XIRP2: variants seen among roughly 807,000 people sequenced by gnomAD.
XIRP2 encodes the protein xin actin binding repeat containing 2.
Under a neutral mutation model 277.0 loss-of-function variants are expected in XIRP2, and 236 were observed. The observed-to-expected ratio is 0.85, with a 90% CI of 0.77 to 0.95. The LOEUF (loss-of-function observed/expected upper bound fraction) is 0.95, where lower values mean the gene tolerates loss of function less well. Among genes scored for constraint, XIRP2 ranks in the 40% least tolerant of loss-of-function variants. The pLI, the probability that XIRP2 is intolerant of heterozygous loss-of-function variation, is 0.00. For missense variants in XIRP2, 4,640 were observed against 4,157.5 expected, an observed-to-expected ratio of 1.12 and a Z score of -3.19; for synonymous variants, 1,490 against 1,416.5, an observed-to-expected ratio of 1.05 and a Z score of -1.17.
chr2:166,946,920 A>G (rs1349194724), intron 2 of XIRP2, among the ~76,000 whole-genome samples: 1 of 152,118 alleles, frequency 6.6e-6, no homozygotes. Flanking sequence ...GGCAAATATC[A>G]TTTTCATTGC....
At chr2:166,943,886 T>A (rs1160199708) in intron 2 of XIRP2, among the ~76,000 whole-genome samples, 3 of 152,214 alleles carry the variant, frequency 2.0e-5, no homozygotes, top group African/African-American at 4.8e-5. Context: ...TCTTGTTCCA[T>A]AGTGGGTTTG....
At chr2:167,013,406 TTAAA>T (rs1408826596) in intron 2 of XIRP2, among the ~76,000 whole-genome samples, 1 of 151,430 alleles carries the variant, frequency 6.6e-6, no homozygotes, top group Non-Finnish European at 1.5e-5. Context: ...TGATGCGGTC[TTAAA>T]TAAACATAAG....
At chr2:166,972,623 G>A (rs1350188612) in intron 2 of XIRP2, among the ~76,000 whole-genome samples, 1 of 152,152 alleles carries the variant, frequency 6.6e-6, no homozygotes, top group Non-Finnish European at 1.5e-5. Context: ...AACACAGATA[G>A]TAGTAAAATG....
At chr2:166,895,541 T>C (rs916891349) in intron 1 of XIRP2, among the ~76,000 whole-genome samples, 1 of 152,214 alleles carries the variant, frequency 6.6e-6, no homozygotes, top group Non-Finnish European at 1.5e-5. Context: ...AAGTTTGCTT[T>C]CCTCAATTAG....
At chr2:167,171,424 T>C (rs1355169290) in intron 3 of XIRP2, among the ~76,000 whole-genome samples, 1 of 152,206 alleles carries the variant, frequency 6.6e-6, no homozygotes, top group Admixed American at 6.5e-5. Context: ...GATTTCTAAT[T>C]TAATGTAATT....
At chr2:166,995,914 C>G (rs375321712) in intron 2 of XIRP2, among the ~76,000 whole-genome samples, 1 of 152,152 alleles carries the variant, frequency 6.6e-6, no homozygotes, top group African/African-American at 2.4e-5. Context: ...TCAGCTTTCA[C>G]CAGCCTCATT....
intron 2 of XIRP2, among the ~76,000 whole-genome samples, chr2:166,968,854 G>A (rs556755293): frequency 6.6e-6 from 1 of 152,048 alleles, no homozygotes; most frequent in South Asian, 2.1e-4. Context: ...ATTTACAAGA[G>A]ATAAATGGTT....
At chr2:167,151,760 T>A (rs1692022982) in intron 3 of XIRP2, among the ~76,000 whole-genome samples, 1 of 151,770 alleles carries the variant, frequency 6.6e-6, no homozygotes, top group African/African-American at 2.4e-5. Flanking sequence ...TGGCTAAGAA[T>A]GCAGACAATA....
intron 2 of XIRP2, among the ~76,000 whole-genome samples, chr2:166,942,374 C>T (rs1685743434): frequency 6.6e-6 from 1 of 152,144 alleles, no homozygotes; most frequent in Admixed American, 6.5e-5. Flanking sequence ...ATAGGTATTA[C>T]TTCTCTTTAT....
At chr2:167,000,290 A>G (rs1687329296) in intron 2 of XIRP2, among the ~76,000 whole-genome samples, 1 of 152,158 alleles carries the variant, frequency 6.6e-6, no homozygotes, top group African/African-American at 2.4e-5. Flanking sequence ...AGGCCCACAC[A>G]TAGTGATTGT....
chr2:167,079,834 T>C (rs964655121), intron 2 of XIRP2, among the ~76,000 whole-genome samples: 6 of 152,112 alleles, frequency 3.9e-5, no homozygotes, highest in African/African-American at 1.4e-4. Context: ...TCAATTTCAT[T>C]CCATTCTGCT....
At chr2:167,092,952 C>T (rs1210787440) in intron 2 of XIRP2, among the ~76,000 whole-genome samples, 1 of 151,956 alleles carries the variant, frequency 6.6e-6, no homozygotes, top group Non-Finnish European at 1.5e-5. Flanking sequence ...AAAATTGTAA[C>T]CAGGATTAAA....
At chr2:167,056,999 C>T (rs997929168) in intron 2 of XIRP2, among the ~76,000 whole-genome samples, 6 of 152,048 alleles carry the variant, frequency 3.9e-5, no homozygotes, top group African/African-American at 1.4e-4. Flanking sequence ...TTTCTGTTTC[C>T]ATATGTGAAC....
At chr2:166,914,638 G>A (rs1413237270) in intron 2 of XIRP2, among the ~76,000 whole-genome samples, 1 of 152,002 alleles carries the variant, frequency 6.6e-6, no homozygotes, top group Non-Finnish European at 1.5e-5. Flanking sequence ...CAACACACCT[G>A]GACTAAACGT....
chr2:167,244,259 A>G lies in XIRP2; in HGVS notation c.2867A>G (p.Asn956Ser), dbSNP rs767396950. The change falls in exon 9 of 11, where the codon AAT becomes AGT. Residue 956 changes from asparagine to serine, a missense_variant. Coordinates refer to ENST00000409195, the MANE Select transcript of XIRP2 (RefSeq NM_152381.6). The stretch of plus-strand genomic sequence containing the variant: ...TACACACATATCTTTGAATCAAACA[A>G]TTTAATTAAATTTGATGCATCACAT... The part of the protein sequence containing the change: ...KNYTHIFESN[N>S]LIKFDASHKI... The G allele has an allele frequency of 3.7e-6, 6 of 1,613,756 alleles. No homozygotes were observed. The East Asian group carries it at 8.9e-5, about 24-fold the overall frequency.
At chr2:166,963,509 G>T (rs1435331721) in intron 2 of XIRP2, among the ~76,000 whole-genome samples, 1 of 151,878 alleles carries the variant, frequency 6.6e-6, no homozygotes, top group East Asian at 1.9e-4. Flanking sequence ...AAATGTGGAG[G>T]AGGAGAGACT....
chr2:167,249,974 A>G lies in XIRP2; in HGVS notation c.8582A>G (p.His2861Arg), dbSNP rs781749524. Reference sequence around the variant, plus strand: ...GTCAAGCAAAAGGTTATCGATGCACATCTTGATTCACAGACTCAGAATTTT... The same window carrying G: ...GTCAAGCAAAAGGTTATCGATGCACGTCTTGATTCACAGACTCAGAATTTT... Reference protein sequence around the residue: ...KVVKQKVIDAHLDSQTQNFQQ... With the variant: ...KVVKQKVIDARLDSQTQNFQQ... Residue 2861 changes from histidine (H) to arginine (R), a missense_variant, in exon 9 of 11, where the codon CAT (histidine) becomes CGT (arginine). By Grantham distance (29) the His-to-Arg change is conservative. Transcript: ENST00000409195. 4 of 1,613,658 alleles carry G rather than the reference A, an allele frequency of 2.5e-6. No individual in the cohort carries two copies. Among genetic ancestry groups the G allele is most frequent in the Middle Eastern group, 1.7e-4 (1 of 6,058 alleles).
chr2:167,144,623 G>A (rs17616712), intron 3 of XIRP2, among the ~76,000 whole-genome samples: 10,446 of 152,090 alleles, frequency 0.069, 443 homozygotes, highest in South Asian at 0.15. Flanking sequence ...CTCTAGTGAC[G>A]TGATAAGACC....
chr2:167,226,909 G>A (rs1156472360), intron 5 of XIRP2, among the ~76,000 whole-genome samples: 4 of 152,144 alleles, frequency 2.6e-5, no homozygotes, highest in African/African-American at 4.8e-5. Context: ...GAATCCCAGT[G>A]GGAACTCTGA....
Sources: allele counts gnomAD v4.1 joint callset (sites outside exome capture counted in the v4.1 genomes callset), GRCh38; gene constraint gnomAD v4.1.1; transcripts MANE v1.5; gene names NCBI Gene and HGNC (gene_info 2026-07-23, HGNC 2026-07-21).